The following FGF12 variants were observed in gnomAD, a reference collection of about 807,000 sequenced individuals.
FGF12 encodes fibroblast growth factor 12.
In FGF12, 14 loss-of-function variants were observed where a neutral mutation model predicts 23.6. The ratio of observed to expected loss-of-function variants is 0.59; its 90% CI spans 0.39 to 0.93. The LOEUF is 0.93. FGF12 is among the 40% of genes least tolerant of loss of function. The probability of loss-of-function intolerance (pLI) is 0.00; values close to 1 mark genes in which losing one functional copy is unlikely to be tolerated. For missense variants in FGF12, 175 were observed against 217.8 expected, an observed-to-expected ratio of 0.80 and a Z score of 1.24; for synonymous variants, 62 against 77.3, an observed-to-expected ratio of 0.80 and a Z score of 1.04.
intron 4 of FGF12, among the ~76,000 whole-genome samples, chr3:192,276,524 ATGT>A (rs1713799361): frequency 1.3e-5 from 2 of 152,174 alleles, no homozygotes; most frequent in South Asian, 4.1e-4. Context: ...TCTCATTTTA[ATGT>A]TGTTGTTGCA....
chr3:192,485,406 C>T (rs988127150), intron 2 of FGF12, among the ~76,000 whole-genome samples: 32 of 152,116 alleles, frequency 2.1e-4, no homozygotes, highest in Non-Finnish European at 2.9e-5. Context: ...AATATTAATG[C>T]TTCGACAGTA....
At chr3:192,391,773 A>G (rs1720301753) in intron 2 of FGF12, among the ~76,000 whole-genome samples, 1 of 152,250 alleles carries the variant, frequency 6.6e-6, no homozygotes, top group South Asian at 2.1e-4. Context: ...AGTGAGGATT[A>G]GAAAAATTCA....
At chr3:192,168,961 C>T (rs1715384763) in intron 5 of FGF12, among the ~76,000 whole-genome samples, 1 of 151,810 alleles carries the variant, frequency 6.6e-6, no homozygotes, top group African/African-American at 2.4e-5. Flanking sequence ...TATTTTTTTC[C>T]AAAGACTAAT....
chr3:192,582,318 T>C (rs931555537), intron 2 of FGF12, among the ~76,000 whole-genome samples: 2 of 152,192 alleles, frequency 1.3e-5, no homozygotes, highest in East Asian at 1.9e-4. Context: ...ACTATAAATA[T>C]AAATGGGAGT....
intron 2 of FGF12, among the ~76,000 whole-genome samples, chr3:192,703,458 A>C (rs1313104254): frequency 6.6e-6 from 1 of 152,214 alleles, no homozygotes; most frequent in Non-Finnish European, 1.5e-5. Flanking sequence ...CTGCTGATTG[A>C]TCATGATGGT....
chr3:192,578,469 T>A (rs1713003029), intron 2 of FGF12, among the ~76,000 whole-genome samples: 1 of 152,152 alleles, frequency 6.6e-6, no homozygotes, highest in African/African-American at 2.4e-5. Context: ...ACAACAACAA[T>A]AACAACAATG....
rs578230437 is a variant in FGF12, at chr3:192,514,928, C to T, written c.14-154390G>A. ...GCCCGGGCGCCGGCAGGGGGCGGGCCGGGACGCGGAAGTGCCGGTCCGCCG... is the reference window on the plus strand; with the variant it reads ...GCCCGGGCGCCGGCAGGGGGCGGGCTGGGACGCGGAAGTGCCGGTCCGCCG... On this transcript the variant is annotated intron_variant, in intron 2 of 5. Coordinates refer to ENST00000445105, the MANE Select transcript of FGF12 (RefSeq NM_004113.6). The surrounding 1 kb of genome is among the most constrained non-coding windows in gnomAD (Gnocchi z 4.9). 3 of 960,176 alleles carry T rather than the reference C, an allele frequency of 3.1e-6. No individual in the cohort carries two copies. Among genetic ancestry groups the T allele is most frequent in the Admixed American group, 1.2e-4 (2 of 16,228 alleles). The allele number at this position is 960,176 out of a possible 1,614,324, so 59.5% of individuals were successfully genotyped here.
chr3:192,657,247 T>A (rs1716463481), intron 2 of FGF12, among the ~76,000 whole-genome samples: 1 of 152,176 alleles, frequency 6.6e-6, no homozygotes, highest in Non-Finnish European at 1.5e-5. Flanking sequence ...AGGGCGGTTA[T>A]GATGAATATC....
intron 2 of FGF12, among the ~76,000 whole-genome samples, chr3:192,689,269 C>T (rs2108717809): frequency 6.6e-6 from 1 of 152,202 alleles, no homozygotes; most frequent in East Asian, 1.9e-4. Flanking sequence ...ATGATAAATA[C>T]TTAAAGTGAT....
chr3:192,443,669 G>T lies in FGF12; in HGVS notation c.14-83131C>A, dbSNP rs563815502. On this transcript the variant is annotated intron_variant, in intron 2 of 5. Transcript: ENST00000445105. ...AAATGTCTCTCAATATACCTTATAA[G>T]TTATGAAAACAAGCAAAAAAATTTA... 2.2e-3 allele frequency among the ~76,000 whole-genome samples: 341 copies of T among 152,268 alleles called. 2 individuals carry two copies. The highest frequency in any genetic ancestry group is 8.0e-3 in the African/African-American group (334 of 41,536).
At chr3:192,627,353 TA>T (rs1222343191) in intron 2 of FGF12, among the ~76,000 whole-genome samples, 1 of 152,078 alleles carries the variant, frequency 6.6e-6, no homozygotes, top group Admixed American at 6.5e-5. Flanking sequence ...TTATGTAGGT[TA>T]TTTTTAGTTT....
chr3:192,189,951 G>A (rs917630756), intron 4 of FGF12, among the ~76,000 whole-genome samples: 1 of 152,118 alleles, frequency 6.6e-6, no homozygotes, highest in African/African-American at 2.4e-5. Flanking sequence ...GGAGCAAGGG[G>A]GGATGGTGGG....
In FGF12 at chr3:192,295,640, A is replaced by G. The variant is rs1228247573; in HGVS notation, c.228+39721T>C. On this transcript the variant is annotated intron_variant, in intron 4 of 5. Transcript: ENST00000445105. ...ATGAAATGTTTCAACAGGAAGCAAT[A>G]TTAAAGTATATCAACCTAGAGTGAT... Among the ~76,000 whole-genome samples the G allele has an allele frequency of 1.3e-5, 2 of 152,230 alleles. 1 individual carries two copies. The highest frequency in any genetic ancestry group is 1.3e-4 in the Admixed American group (2 of 15,288).
chr3:192,671,165 C>T (rs1357766135), intron 2 of FGF12, among the ~76,000 whole-genome samples: 1 of 152,172 alleles, frequency 6.6e-6, no homozygotes, highest in Non-Finnish European at 1.5e-5. Flanking sequence ...AATGTTTTTA[C>T]ATACCAAGTA....
chr3:192,716,237 C>T (rs919074067), intron 2 of FGF12, among the ~76,000 whole-genome samples: 1 of 152,126 alleles, frequency 6.6e-6, no homozygotes, highest in Non-Finnish European at 1.5e-5. Context: ...TTTGTACACA[C>T]TTAAGTTGGA....
chr3:192,493,351 G>A (rs917042588), intron 2 of FGF12, among the ~76,000 whole-genome samples: 6 of 152,032 alleles, frequency 3.9e-5, no homozygotes, highest in Non-Finnish European at 5.9e-5. Flanking sequence ...ATGTCAAATG[G>A]ACTTCTTCTT....
At chr3:192,240,363 T>C (rs527973239) in intron 4 of FGF12, among the ~76,000 whole-genome samples, 4 of 152,320 alleles carry the variant, frequency 2.6e-5, no homozygotes, top group African/African-American at 9.6e-5. Context: ...TGTTATTTTT[T>C]TTGGAATATC....
At chr3:192,371,599 G>A (rs1395062375) in intron 2 of FGF12, among the ~76,000 whole-genome samples, 1 of 152,212 alleles carries the variant, frequency 6.6e-6, no homozygotes, top group African/African-American at 2.4e-5. Flanking sequence ...TCCACGGTTA[G>A]TTAAACAGTA....
chr3:192,481,149 TAAGAG>T (rs1723469355), intron 2 of FGF12, among the ~76,000 whole-genome samples: 1 of 152,182 alleles, frequency 6.6e-6, no homozygotes, highest in Admixed American at 6.5e-5. Flanking sequence ...ATACTGCATA[TAAGAG>T]AAATTTCATT....
Sources: gnomAD v4.1 joint callset for allele counts (sites outside exome capture counted in the v4.1 genomes callset) on GRCh38, gnomAD v4.1.1 for gene constraint, Gnocchi (gnomAD v3.1) non-coding constraint, MANE v1.5 for transcripts, NCBI Gene and HGNC (gene_info 2026-07-23, HGNC 2026-07-21) for gene names.